DPRX: variants seen among roughly 807,000 people sequenced by gnomAD.
The protein encoded by DPRX is divergent-paired related homeobox.
A neutral mutation model predicts 8.4 loss-of-function variants in DPRX; 11 were observed. The ratio of observed to expected loss-of-function variants is 1.31; its 90% CI spans 0.82 to 2.17. The LOEUF (loss-of-function observed/expected upper bound fraction) is 2.17. Ranked by LOEUF, DPRX falls within the 30% of genes most tolerant of loss-of-function variation. The pLI, the probability that DPRX is intolerant of heterozygous loss-of-function variation, is 0.00. For missense variants in DPRX, 211 were observed against 236.7 expected (o/e 0.89, Z 0.71); for synonymous variants, 72 against 87.0 (o/e 0.83, Z 0.96).
upstream of DPRX, among the ~76,000 whole-genome samples, chr19:53,627,792 T>C (rs983924436): frequency 4.7e-5 from 7 of 149,034 alleles, no homozygotes; most frequent in Non-Finnish European, 1.0e-4. Flanking sequence ...GGCTCACGCC[T>C]GTACTCCCAG....
intron 1 of DPRX, among the ~76,000 whole-genome samples, chr19:53,634,182 A>G (rs1314016361): frequency 4.6e-5 from 7 of 151,954 alleles, no homozygotes; most frequent in Middle Eastern, 3.4e-3. Context: ...TGTAATCCCA[A>G]CACTTTGGGA....
the DPRX span, among the ~76,000 whole-genome samples, chr19:53,616,151 C>T: frequency 6.6e-6 from 1 of 151,978 alleles, no homozygotes; most frequent in East Asian, 1.9e-4. Context: ...ATTCGGGAGG[C>T]TGAGGCAGGA....
At chr19:53,606,506 AAGC>A in the DPRX span, 1 of 152,322 alleles carries the variant, frequency 6.6e-6, no homozygotes, top group African/African-American at 2.4e-5. This position sits in a 1 kb window ranked among gnomAD's most constrained non-coding sequence, Gnocchi z 4.8. Context: ...ATGTGGACAA[AAGC>A]CTCCGGCAAG....
rs373799917 is a variant in DPRX at position 53,632,125 on chromosome 19, C to A, written c.19C>A (p.Leu7Ile). ...TTAGAAGATGCCAGGCTCAGAGGAT[C>A]TTCGTAAAGGTAAGCCAGAAAAAAT... The change falls in exon 1 of 3, where the codon CTT (leucine) becomes ATT (isoleucine). Residue 7 changes from leucine to isoleucine, a missense_variant. Transcript: ENST00000376650. The A allele has an allele frequency of 1.2e-5, 20 of 1,613,936 alleles. 1 individual carries two copies. The highest frequency in any genetic ancestry group is 1.7e-4 in the Middle Eastern group (1 of 6,060).
exon 3 of DPRX, chr19:53,636,883 T>C: frequency 6.2e-7 from 1 of 1,614,168 alleles, no homozygotes; most frequent in Middle Eastern, 1.6e-4. Flanking sequence ...GCTGCCGAGA[T>C]CCTAATATAT....
chr19:53,633,992 C>T (rs2091102741), intron 1 of DPRX, among the ~76,000 whole-genome samples: 1 of 152,170 alleles, frequency 6.6e-6, no homozygotes, highest in African/African-American at 2.4e-5. Context: ...GGGAAAGGAA[C>T]AACCTTTTCC....
At chr19:53,619,329 G>A in the DPRX span, among the ~76,000 whole-genome samples, 2 of 151,938 alleles carry the variant, frequency 1.3e-5, no homozygotes, top group African/African-American at 2.4e-5. Context: ...TCACAAGGTC[G>A]GGAGTTTGAG....
At chr19:53,606,484 G>A in the DPRX span, 1,273 of 152,508 alleles carry the variant, frequency 8.3e-3, 9 homozygotes, top group Admixed American at 0.013. The surrounding 1 kb of genome is among the most constrained non-coding windows in gnomAD (Gnocchi z 4.8). Context: ...ATATCTGATG[G>A]GGGCCCATCC....
exon 3 of DPRX, chr19:53,637,005 C>T (rs1600573410): frequency 1.3e-6 from 2 of 1,577,196 alleles, no homozygotes; most frequent in South Asian, 2.4e-5. Flanking sequence ...CAAAAAGTCA[C>T]ATGTTGTAAT....
upstream of DPRX, among the ~76,000 whole-genome samples, chr19:53,628,334 C>T (rs576354117): frequency 2.0e-5 from 3 of 152,166 alleles, no homozygotes; most frequent in Non-Finnish European, 4.4e-5. Context: ...CAGAGCAAGA[C>T]CCTGTCTCAA....
chr19:53,604,955 TTGTATACA>T, the DPRX span, among the ~76,000 whole-genome samples: 1 of 152,178 alleles, frequency 6.6e-6, no homozygotes, highest in African/African-American at 2.4e-5. Context: ...TTATTACATC[TTGTATACA>T]TGTATGGAAA....
exon 3 of DPRX, chr19:53,636,811 G>A: frequency 1.2e-6 from 2 of 1,614,064 alleles, no homozygotes; most frequent in South Asian, 1.1e-5. Context: ...AGCTCATCCT[G>A]TACCCCAACC....
the DPRX span, among the ~76,000 whole-genome samples, chr19:53,623,119 CAT>C: frequency 6.7e-6 from 1 of 150,282 alleles, no homozygotes; most frequent in Non-Finnish European, 1.5e-5. Context: ...TCCTGGCTAA[CAT>C]GGTGGAACCC....
At chr19:53,628,529 G>A (rs2091079399), upstream of DPRX, among the ~76,000 whole-genome samples, 2 of 151,958 alleles carry the variant, frequency 1.3e-5, no homozygotes, top group South Asian at 2.1e-4. Flanking sequence ...GCGGTTCGGT[G>A]GCATTTAGTA....
the DPRX span, among the ~76,000 whole-genome samples, chr19:53,608,734 C>T: frequency 0.23 from 34,201 of 151,562 alleles, 4,016 homozygotes; most frequent in South Asian, 0.33. Context: ...GGGCGGATCA[C>T]GAGGTAAGGA....
the DPRX span, chr19:53,603,341 C>T: frequency 1.3e-5 from 6 of 456,106 alleles, no homozygotes; most frequent in Non-Finnish European, 2.2e-5. Context: ...CGGAGAAACG[C>T]CACTGCTCAC....
exon 3 of DPRX, chr19:53,636,929 G>T (rs370339375): frequency 2.5e-6 from 4 of 1,613,134 alleles, no homozygotes; most frequent in Non-Finnish European, 3.4e-6. Flanking sequence ...CCAAGTTTGC[G>T]CTCCAAGCTT....
the DPRX span, among the ~76,000 whole-genome samples, chr19:53,618,073 C>T: frequency 5.3e-5 from 8 of 150,448 alleles, no homozygotes; most frequent in South Asian, 2.1e-4. Flanking sequence ...ACCTGGGAGG[C>T]GGAGGCTGCA....
the DPRX span, among the ~76,000 whole-genome samples, chr19:53,613,510 G>A: frequency 6.7e-6 from 1 of 150,036 alleles, no homozygotes; most frequent in South Asian, 2.1e-4. Flanking sequence ...ATCATGCCCC[G>A]CTAATTTTTT....
Sources: allele counts gnomAD v4.1 joint callset (sites outside exome capture counted in the v4.1 genomes callset), GRCh38; gene constraint gnomAD v4.1.1; non-coding constraint Gnocchi (gnomAD v3.1); transcripts MANE v1.5; gene names NCBI Gene and HGNC (gene_info 2026-07-23, HGNC 2026-07-21).